Variants in FMN1 observed in about 807,000 individuals in gnomAD.
FMN1 encodes formin-1.
In FMN1, 110 loss-of-function variants were observed where a neutral mutation model predicts 132.4. The observed-to-expected ratio is 0.83, with a 90% CI of 0.71 to 0.97. The LOEUF (loss-of-function observed/expected upper bound fraction) is 0.97. Among genes scored for constraint, FMN1 ranks in the 50% least tolerant of loss-of-function variants. The pLI is 0.00. For missense variants in FMN1, 1,792 were observed against 1,705.3 expected (o/e 1.05, Z -0.90); for synonymous variants, 722 against 651.7 (o/e 1.11, Z -1.64).
intron 6 of FMN1, among the ~76,000 whole-genome samples, chr15:33,022,767 T>TG (rs35012945): frequency 0.39 from 59,670 of 151,524 alleles, 12,025 homozygotes; most frequent in Admixed American, 0.48. Flanking sequence ...TAACAGGGAC[T>TG]GACAGCACTA....
intron 4 of FMN1, among the ~76,000 whole-genome samples, chr15:33,104,806 AG>A (rs1250574094): frequency 6.6e-6 from 1 of 152,166 alleles, no homozygotes; most frequent in Non-Finnish European, 1.5e-5. Context: ...ACTTTACTAA[AG>A]GGATTTGACA....
At chr15:32,954,630 A>T (rs533963523) in intron 9 of FMN1, among the ~76,000 whole-genome samples, 1 of 152,390 alleles carries the variant, frequency 6.6e-6, no homozygotes, top group South Asian at 2.1e-4. Context: ...CAATGACCAA[A>T]AAATAAAATT....
At chr15:32,808,788 T>A (rs1300202559) in intron 17 of FMN1, among the ~76,000 whole-genome samples, 3 of 152,220 alleles carry the variant, frequency 2.0e-5, no homozygotes, top group Non-Finnish European at 4.4e-5. Flanking sequence ...GCTTTCTGAC[T>A]TTTTGGCATG....
chr15:33,019,232 C>T (rs2035273252), intron 6 of FMN1, among the ~76,000 whole-genome samples: 1 of 152,158 alleles, frequency 6.6e-6, no homozygotes, highest in Admixed American at 6.5e-5. Context: ...TTCTCCACCT[C>T]CCCACTAGAT....
intron 11 of FMN1, among the ~76,000 whole-genome samples, chr15:32,908,912 T>C (rs1015226637): frequency 1.3e-5 from 2 of 152,188 alleles, no homozygotes; most frequent in African/African-American, 4.8e-5. Flanking sequence ...CATCTCTTCC[T>C]CTGTAAGGAG....
chr15:32,921,679 C>CTTTT (rs11421047), intron 10 of FMN1, among the ~76,000 whole-genome samples: 16 of 140,790 alleles, frequency 1.1e-4, no homozygotes, highest in East Asian at 2.1e-4. Flanking sequence ...TCTTTTTTTT[C>CTTTT]TTTTTTTTTT....
At chr15:33,055,630 A>T (rs1595366727) in intron 6 of FMN1, among the ~76,000 whole-genome samples, 1 of 152,320 alleles carries the variant, frequency 6.6e-6, no homozygotes, top group South Asian at 2.1e-4. Context: ...AAACAAAAAA[A>T]TCAACGCCCA....
chr15:33,160,716 T>C (rs1456137370), intron 3 of FMN1, among the ~76,000 whole-genome samples: 2 of 152,138 alleles, frequency 1.3e-5, no homozygotes, highest in African/African-American at 4.8e-5. Flanking sequence ...AAATTATACA[T>C]CTTAATTTGG....
intron 7 of FMN1, among the ~76,000 whole-genome samples, chr15:32,983,474 G>A (rs377071728): frequency 6.6e-6 from 1 of 152,008 alleles, no homozygotes; most frequent in Non-Finnish European, 1.5e-5. Context: ...ACCTCAGATG[G>A]TACACTTAGA....
intron 15 of FMN1, among the ~76,000 whole-genome samples, chr15:32,889,422 C>T (rs975171847): frequency 6.6e-6 from 1 of 152,146 alleles, no homozygotes; most frequent in African/African-American, 2.4e-5. Context: ...TTCCATCTTC[C>T]CTACTGCCAT....
At position 32,857,005 on chromosome 15, in the gene FMN1, A is replaced by G; in HGVS notation, c.3928+10T>C. ...GGCCACGTGTATGTGCGGCTGACAA[A>G]GCTTCCTACCTTTTTGGAAGAACTC... On this transcript the variant is annotated intron_variant, in intron 17 of 20. Coordinates refer to ENST00000616417, the MANE Select transcript of FMN1 (RefSeq NM_001277313.2). 6.3e-7 allele frequency: 1 copy of G among 1,599,634 alleles called. No homozygotes were observed. The highest frequency in any genetic ancestry group is 8.6e-7 in the Non-Finnish European group (1 of 1,166,932).
rs773883438 is a variant in FMN1 at position 32,964,190 on chromosome 15, C to T, written c.3055G>A (p.Glu1019Lys). Residue 1019 changes from glutamate (E) to lysine (K), a missense_variant, in exon 9 of 21, where the codon GAG becomes AAG. Transcript: ENST00000616417. ...GTTGTGTCTTTGGAGAATAAATACT[C>T]AAATTCACTGGGGTCCCGAATGTCA... ...EPDIRDPSEFEYLFSKDTTQQ... is the reference protein window; with the variant it reads ...EPDIRDPSEFKYLFSKDTTQQ... 1 of 1,612,798 alleles carries T rather than the reference C, an allele frequency of 6.2e-7. No homozygotes were observed. The highest frequency in any genetic ancestry group is 1.7e-5 in the Admixed American group (1 of 59,992).
At chr15:32,831,567 G>T (rs1449396799) in intron 17 of FMN1, among the ~76,000 whole-genome samples, 1 of 152,050 alleles carries the variant, frequency 6.6e-6, no homozygotes, top group Admixed American at 6.5e-5. Flanking sequence ...GTGTGTGTGG[G>T]GTGGGGAGGT....
chr15:33,110,636 G>A (rs2039665010), intron 4 of FMN1, among the ~76,000 whole-genome samples: 1 of 151,426 alleles, frequency 6.6e-6, no homozygotes, highest in South Asian at 2.1e-4. Flanking sequence ...TCACATTGAC[G>A]CTTCTTTTTC....
chr15:32,883,827 C>CT (rs1451667046), intron 16 of FMN1, among the ~76,000 whole-genome samples: 1 of 152,034 alleles, frequency 6.6e-6, no homozygotes, highest in East Asian at 1.9e-4. Flanking sequence ...CAGCATTAAA[C>CT]TTTTTTTTAA....
chr15:32,931,638 T>A (rs2061121365), intron 9 of FMN1, among the ~76,000 whole-genome samples: 1 of 152,220 alleles, frequency 6.6e-6, no homozygotes, highest in Non-Finnish European at 1.5e-5. Flanking sequence ...TAAGATCATA[T>A]CTGTGAACAC....
intron 7 of FMN1, among the ~76,000 whole-genome samples, chr15:32,976,802 C>G (rs937867665): frequency 1.3e-5 from 2 of 152,078 alleles, no homozygotes; most frequent in Non-Finnish European, 2.9e-5. Context: ...GAGAGTACAC[C>G]TGTGTAAAAA....
intron 6 of FMN1, among the ~76,000 whole-genome samples, chr15:33,058,119 T>C (rs971925469): frequency 3.6e-5 from 4 of 111,566 alleles, no homozygotes; most frequent in Non-Finnish European, 9.1e-5. Flanking sequence ...GCGGGGCTGC[T>C]GGTGGAGGAG....
intron 5 of FMN1, among the ~76,000 whole-genome samples, chr15:33,086,387 T>TA (rs5811731): frequency 0.53 from 80,111 of 151,448 alleles, 21,605 homozygotes; most frequent in African/African-American, 0.57. Context: ...TATCAAATTG[T>TA]ACAGTCGTCT....
Sources: gnomAD v4.1 joint callset for allele counts (sites outside exome capture counted in the v4.1 genomes callset) on GRCh38, gnomAD v4.1.1 for gene constraint, MANE v1.5 for transcripts, NCBI Gene and HGNC (gene_info 2026-07-23, HGNC 2026-07-21) for gene names.